Variants in DPEP1 observed in about 807,000 individuals in gnomAD.
DPEP1 encodes the protein dipeptidase 1.
A neutral mutation model predicts 42.3 loss-of-function variants in DPEP1; 50 were observed. That is an observed-to-expected ratio of 1.18 (90% CI 0.94 to 1.50). The LOEUF (loss-of-function observed/expected upper bound fraction) is 1.50. Among genes scored for constraint, DPEP1 ranks in the 40% most tolerant of loss-of-function variants. The pLI, the probability that DPEP1 is intolerant of heterozygous loss-of-function variation, is 0.00. For synonymous variants in DPEP1, 297 were observed against 234.0 expected, an observed-to-expected ratio of 1.27 and a Z score of -2.46; for missense variants, 663 against 553.0, an observed-to-expected ratio of 1.20 and a Z score of -1.99.
At chr16:89,615,712 G>A (rs967338511) in intron 1 of DPEP1, among the ~76,000 whole-genome samples, 2 of 152,224 alleles carry the variant, frequency 1.3e-5, no homozygotes, top group African/African-American at 2.4e-5. Context: ...AACTGGAGCC[G>A]GGAACCGGCC....
chr16:89,639,145 T>C (rs1597779537), downstream of DPEP1, among the ~76,000 whole-genome samples: 1 of 13,472 alleles, frequency 7.4e-5, no homozygotes, highest in Non-Finnish European at 1.3e-4. Flanking sequence ...CACACCCTCA[T>C]CCTTGCACAC....
Position 89,637,595 on chromosome 16 carries a change from C to T in DPEP1, c.854-37C>T, listed in dbSNP as rs773638674. On this transcript the variant is annotated intron_variant, in intron 8 of 10. Transcript: ENST00000690203. ...GGCCAAGGGGGCCGAAGGGGGAGGG[C>T]CTCACTCGGGACCCATACCTGCTGC... 3.1e-6 allele frequency: 5 copies of T among 1,612,800 alleles called. No individual in the cohort carries two copies. The South Asian group carries it at 3.3e-5, about 11-fold the overall frequency.
intron 3 of DPEP1, 72 bp from the exon 4 acceptor site, chr16:89,636,192 A>G: frequency 1.3e-6 from 2 of 1,559,950 alleles, no homozygotes; most frequent in Non-Finnish European, 8.6e-7. Flanking sequence ...GGGAAACCAG[A>G]CTCCCACAGG....
At chr16:89,624,230 T>G (rs2059479811) in intron 1 of DPEP1, among the ~76,000 whole-genome samples, 1 of 151,968 alleles carries the variant, frequency 6.6e-6, no homozygotes, top group South Asian at 2.1e-4. Flanking sequence ...GGGTCATCTA[T>G]AGAGAAAAGG....
chr16:89,640,537 C>G (rs1308870843), downstream of DPEP1: 2 of 978,554 alleles, frequency 2.0e-6, no homozygotes, highest in Non-Finnish European at 2.4e-6. Flanking sequence ...AGAAGGGACG[C>G]GTCCTGATCT....
At chr16:89,638,721 A>G (rs1172646776), downstream of DPEP1, among the ~76,000 whole-genome samples, 1 of 104,776 alleles carries the variant, frequency 9.5e-6, no homozygotes, top group African/African-American at 4.1e-5. Flanking sequence ...GCACCCCTGC[A>G]CACACACACA....
At chr16:89,627,327 A>C (rs2059527500) in intron 1 of DPEP1, among the ~76,000 whole-genome samples, 1 of 150,870 alleles carries the variant, frequency 6.6e-6, no homozygotes, top group Non-Finnish European at 1.5e-5. Context: ...TCACACCTGT[A>C]ATCCCAGCAC....
At chr16:89,621,110 G>T (rs2059442512) in intron 1 of DPEP1, among the ~76,000 whole-genome samples, 1 of 152,080 alleles carries the variant, frequency 6.6e-6, no homozygotes, top group Admixed American at 6.5e-5. Flanking sequence ...TGGCTTCTGG[G>T]GTGACTGTGT....
At chr16:89,624,819 G>C (rs955223589) in intron 1 of DPEP1, among the ~76,000 whole-genome samples, 5 of 152,180 alleles carry the variant, frequency 3.3e-5, no homozygotes, top group African/African-American at 4.8e-5. Context: ...ACAGGTGTGA[G>C]CCACCCCCTC....
At chr16:89,616,776 G>A (rs1264738664) in intron 1 of DPEP1, 3 of 274,702 alleles carry the variant, frequency 1.1e-5, no homozygotes, top group African/African-American at 7.0e-5. Flanking sequence ...AAGCGGCCAG[G>A]AAGCAGGCAG....
intron 1 of DPEP1, among the ~76,000 whole-genome samples, chr16:89,626,873 C>T (rs1232848506): frequency 6.6e-6 from 1 of 151,472 alleles, no homozygotes; most frequent in Non-Finnish European, 1.5e-5. Flanking sequence ...ATCCCAACAG[C>T]TTGGGAGGCC....
intron 1 of DPEP1, among the ~76,000 whole-genome samples, chr16:89,617,646 C>A: frequency 6.6e-6 from 1 of 151,898 alleles, no homozygotes; most frequent in Non-Finnish European, 1.5e-5. Context: ...AATCCCAGCA[C>A]TTTGGGAGGC....
chr16:89,616,927 C>T (rs1279685399), intron 1 of DPEP1: 13 of 232,266 alleles, frequency 5.6e-5, no homozygotes, highest in South Asian at 3.0e-4. Context: ...AGGAAGCGGG[C>T]AGGTTTTACC....
chr16:89,623,591 A>G (rs1405219482), intron 1 of DPEP1, among the ~76,000 whole-genome samples: 1 of 152,110 alleles, frequency 6.6e-6, no homozygotes, highest in Non-Finnish European at 1.5e-5. Context: ...TGCTTCCCTG[A>G]CGGGAGCGGG....
chr16:89,632,831 G>A (rs1337773407), intron 2 of DPEP1, among the ~76,000 whole-genome samples: 2 of 152,202 alleles, frequency 1.3e-5, no homozygotes, highest in African/African-American at 4.8e-5. Flanking sequence ...ACCGAGGTGG[G>A]AGGACTGCTT....
At chr16:89,627,272 C>CAA (rs751000812) in intron 1 of DPEP1, among the ~76,000 whole-genome samples, 38,420 of 79,916 alleles carry the variant, frequency 0.48, 8,259 homozygotes, top group Middle Eastern at 0.61. Context: ...GACTCCGTCT[C>CAA]AAAAAAAAAA....
intron 3 of DPEP1, 101 bp downstream of exon 3, chr16:89,636,141 G>T: frequency 6.5e-7 from 1 of 1,546,224 alleles, no homozygotes; most frequent in Non-Finnish European, 8.7e-7. Context: ...TTCCTCCAGG[G>T]TCCCTCGGTG....
intron 1 of DPEP1, among the ~76,000 whole-genome samples, chr16:89,615,641 G>A (rs2059373360): frequency 6.6e-6 from 1 of 152,228 alleles, no homozygotes; most frequent in South Asian, 2.1e-4. Context: ...AGGAGCAGCT[G>A]GTTCTTGGGT....
chr16:89,630,365 A>G lies in DPEP1; in HGVS notation c.-46A>G. The G allele has an allele frequency of 6.6e-7, 1 of 1,524,900 alleles. No homozygotes were observed. Among genetic ancestry groups the G allele is most frequent in the Non-Finnish European group, 9.0e-7 (1 of 1,107,268 alleles). 94.5% of individuals were successfully genotyped at this position (1,524,900 alleles called of 1,614,324 possible). On this transcript the variant is annotated 5_prime_UTR_variant, in exon 2 of 11. Transcript: ENST00000690203. ...CTGCACGGGCCAGCCAGGCCAGCAC[A>G]GAGGCACCAGGGCAGCAGTGCACAC... is the stretch of plus-strand genomic sequence containing the variant.
Sources: allele counts gnomAD v4.1 joint callset (sites outside exome capture counted in the v4.1 genomes callset), GRCh38; gene constraint gnomAD v4.1.1; transcripts MANE v1.5; gene names NCBI Gene and HGNC (gene_info 2026-07-23, HGNC 2026-07-21).